The following TPH2 variants were observed in gnomAD, a reference collection of about 807,000 sequenced individuals.
The protein encoded by TPH2 is tryptophan hydroxylase 2.
A neutral mutation model predicts 59.1 loss-of-function variants in TPH2; 27 were observed. That is an observed-to-expected ratio of 0.46 (90% CI 0.34 to 0.63). The LOEUF (loss-of-function observed/expected upper bound fraction) is 0.63, where lower values mean the gene tolerates loss of function less well. Ranked by LOEUF, TPH2 falls within the 30% of genes least tolerant of loss-of-function variation. The pLI is 0.01. For synonymous variants in TPH2, 220 were observed against 210.5 expected, an observed-to-expected ratio of 1.05 and a Z score of -0.39; for missense variants, 523 against 588.3, an observed-to-expected ratio of 0.89 and a Z score of 1.15.
In TPH2 at chr12:72,031,544, G is replaced by T; in HGVS notation, c.1322G>T (p.Arg441Leu). 6.2e-7 allele frequency: 1 copy of T among 1,613,322 alleles called. No homozygotes were observed. The highest frequency in any genetic ancestry group is 8.5e-7 in the Non-Finnish European group (1 of 1,179,614). The change falls in exon 11 of 11, where the codon CGT becomes CTT. Residue 441 changes from arginine to leucine, a missense_variant. Arg to Leu is a moderately radical substitution (Grantham distance 102). Transcript: ENST00000333850. ...KMRDFAKSIT[R>L]PFSVYFNPYT... ...AGGGACTTTGCAAAGTCAATTACCC[G>T]TCCCTTCTCAGTATACTTCAATCCC...
At chr12:72,006,566 T>C (rs1194030021) in intron 8 of TPH2, among the ~76,000 whole-genome samples, 1 of 152,006 alleles carries the variant, frequency 6.6e-6, no homozygotes, top group Non-Finnish European at 1.5e-5. Context: ...GGTGATCAAA[T>C]ATCAAGGGTG....
intron 7 of TPH2, among the ~76,000 whole-genome samples, chr12:71,992,422 C>T (rs919410186): frequency 3.3e-5 from 5 of 150,696 alleles, no homozygotes; most frequent in Non-Finnish European, 7.4e-5. Context: ...CCACCCCCAC[C>T]CCCACCCCCG....
intron 7 of TPH2, 127 bp from the exon 8 acceptor site, chr12:71,994,312 C>A: frequency 2.0e-6 from 2 of 980,608 alleles, no homozygotes; most frequent in Non-Finnish European, 1.6e-6. Flanking sequence ...GAAGTCCCAG[C>A]ATTGATGAAC....
rs567501301 is a variant in TPH2, at chr12:71,989,779, A to C, written c.942-4660A>C. Among the ~76,000 whole-genome samples the C allele has an allele frequency of 4.6e-5, 7 of 152,348 alleles. No homozygotes were observed. The South Asian group carries it at 8.3e-4, about 18-fold the overall frequency. Reference sequence around the variant, plus strand: ...ACAACCAGAACCCTTATTTCTTCATAGCAAAATGATGGCTACTTTCTTGGA... The same window carrying C: ...ACAACCAGAACCCTTATTTCTTCATCGCAAAATGATGGCTACTTTCTTGGA... On this transcript the variant is annotated intron_variant, in intron 7 of 10. Transcript: ENST00000333850.
In TPH2 at chr12:72,011,678, G is replaced by A. The variant is rs148857649; in HGVS notation, c.1069-10721G>A. The stretch of plus-strand genomic sequence containing the variant: ...GACATTTTTGGATGAGAATCCAGAT[G>A]TCAGAATCAATGGGTCTTCAGAGTT... On this transcript the variant is annotated intron_variant, in intron 8 of 10. Coordinates refer to ENST00000333850, the MANE Select transcript of TPH2 (RefSeq NM_173353.4). Among the ~76,000 whole-genome samples, 6 of 152,338 alleles carry A rather than the reference G, an allele frequency of 3.9e-5. No homozygotes were observed. In the East Asian group the frequency reaches 9.7e-4, roughly 25 times the overall value.
chr12:71,980,847 G>A (rs997576572), intron 7 of TPH2, among the ~76,000 whole-genome samples: 4 of 152,098 alleles, frequency 2.6e-5, no homozygotes, highest in Non-Finnish European at 4.4e-5. Context: ...AAGTACTTTC[G>A]GCCAATTCAC....
chr12:71,972,059 A>G (rs572830183), intron 5 of TPH2, among the ~76,000 whole-genome samples: 54 of 152,346 alleles, frequency 3.5e-4, no homozygotes, highest in African/African-American at 1.1e-3. Context: ...CTGAACAAAT[A>G]ATCTCAAAAT....
intron 8 of TPH2, among the ~76,000 whole-genome samples, chr12:71,999,761 C>T (rs993719426): frequency 6.6e-5 from 10 of 152,328 alleles, no homozygotes; most frequent in Middle Eastern, 3.4e-3. Flanking sequence ...GGTTCTTTGG[C>T]TGCAAGTGAT....
intron 7 of TPH2, among the ~76,000 whole-genome samples, chr12:71,988,410 T>A (rs1872498132): frequency 6.6e-6 from 1 of 152,138 alleles, no homozygotes; most frequent in Non-Finnish European, 1.5e-5. Flanking sequence ...GGAAGCATAG[T>A]GGCATCTGTT....
At chr12:72,002,232 A>T (rs1872840973) in intron 8 of TPH2, among the ~76,000 whole-genome samples, 1 of 152,180 alleles carries the variant, frequency 6.6e-6, no homozygotes, top group Non-Finnish European at 1.5e-5. Flanking sequence ...CCATGCAAAG[A>T]GGGTCTGGCT....
chr12:72,013,091 G>A (rs891208091), intron 8 of TPH2, among the ~76,000 whole-genome samples: 10 of 152,140 alleles, frequency 6.6e-5, no homozygotes, highest in Non-Finnish European at 1.2e-4. Context: ...GTTGTTTTCT[G>A]CTGACACTTT....
intron 7 of TPH2, among the ~76,000 whole-genome samples, chr12:71,982,998 A>C (rs1872327864): frequency 6.6e-6 from 1 of 152,168 alleles, no homozygotes; most frequent in South Asian, 2.1e-4. Flanking sequence ...TACACTAGAA[A>C]CCAAACCTTG....
Position 72,031,507 on chromosome 12 carries a change from T to TGCAGGGACTTTGCAAA in TPH2, c.1299-13_1299-12insCAGGGACTTTGCAAAG. 1 of 1,613,516 alleles carries TGCAGGGACTTTGCAAA rather than the reference T, an allele frequency of 6.2e-7. No homozygotes were observed. The highest frequency in any genetic ancestry group is 2.2e-5 in the East Asian group (1 of 44,856). ...GGTTGATCACATCTCTTTCTACTTCTGTTTATTCTGCAGGGACTTTGCAAA... is the reference window on the plus strand; with the variant it reads ...GGTTGATCACATCTCTTTCTACTTCTGCAGGGACTTTGCAAAGTTTATTCTGCAGGGACTTTGCAAA... On this transcript the variant is annotated splice_polypyrimidine_tract_variant and intron_variant, in intron 10 of 10. Coordinates refer to ENST00000333850, the MANE Select transcript of TPH2 (RefSeq NM_173353.4).
chr12:72,013,087 T>C (rs11179044), intron 8 of TPH2, among the ~76,000 whole-genome samples: 7,085 of 152,292 alleles, frequency 0.047, 308 homozygotes, highest in East Asian at 0.17. Flanking sequence ...AAAAGTTGTT[T>C]TCTGCTGACA....
intron 7 of TPH2, among the ~76,000 whole-genome samples, chr12:71,986,108 G>A (rs1159926915): frequency 6.6e-6 from 1 of 152,200 alleles, no homozygotes; most frequent in Non-Finnish European, 1.5e-5. Context: ...TCAGGCAGAA[G>A]GACCTAAGGA....
chr12:71,948,311 GAA>G (rs1871252032), intron 4 of TPH2, among the ~76,000 whole-genome samples: 1 of 152,098 alleles, frequency 6.6e-6, no homozygotes, highest in South Asian at 2.1e-4. Context: ...CACAGTAAAA[GAA>G]AGTGCTAGTT....
At chr12:71,949,695 A>T in intron 5 of TPH2, 40 bp downstream of exon 5, 1 of 1,538,106 alleles carries the variant, frequency 6.5e-7, no homozygotes, top group Non-Finnish European at 9.0e-7. Flanking sequence ...CTGGCTAGTT[A>T]GGAAAAACAC....
Position 71,938,950 on chromosome 12 carries a change from C to G in TPH2, c.-37C>G. On this transcript the variant is annotated 5_prime_UTR_variant, in exon 1 of 11. Coordinates refer to ENST00000333850, the MANE Select transcript of TPH2 (RefSeq NM_173353.4). ...CAGCGCTGCTACTGCCCCTCTAGTACCCCCTGCTGCAGAGAAAGAATATTA... is the reference window on the plus strand; with the variant it reads ...CAGCGCTGCTACTGCCCCTCTAGTAGCCCCTGCTGCAGAGAAAGAATATTA... 6.4e-7 allele frequency: 1 copy of G among 1,551,978 alleles called. No homozygotes were observed. Among genetic ancestry groups the G allele is most frequent in the Non-Finnish European group, 8.9e-7 (1 of 1,124,206 alleles).
chr12:71,974,606 C>T (rs1357597970), intron 6 of TPH2, among the ~76,000 whole-genome samples: 1 of 152,172 alleles, frequency 6.6e-6, no homozygotes, highest in African/African-American at 2.4e-5. Flanking sequence ...AAGTTAATAA[C>T]ATCTGCAAAG....
Sources: allele counts gnomAD v4.1 joint callset (sites outside exome capture counted in the v4.1 genomes callset), GRCh38; gene constraint gnomAD v4.1.1; transcripts MANE v1.5; gene names NCBI Gene and HGNC (gene_info 2026-07-23, HGNC 2026-07-21).